WDR70: variants seen among roughly 807,000 people sequenced by gnomAD.
WDR70 encodes WD repeat-containing protein 70.
In WDR70, 53 loss-of-function variants were observed where a neutral mutation model predicts 88.6. The ratio of observed to expected loss-of-function variants is 0.60; its 90% CI spans 0.48 to 0.75. The LOEUF (loss-of-function observed/expected upper bound fraction) is 0.75. Ranked by LOEUF, WDR70 falls within the 30% of genes least tolerant of loss-of-function variation. The probability of loss-of-function intolerance (pLI) is 0.00; values close to 1 mark genes in which losing one functional copy is unlikely to be tolerated. For missense variants in WDR70, 610 were observed against 823.2 expected (o/e 0.74, Z 3.17); for synonymous variants, 280 against 270.0 (o/e 1.04, Z -0.36).
chr5:37,692,959 A>G (rs1203860918), intron 10 of WDR70, among the ~76,000 whole-genome samples: 3 of 152,226 alleles, frequency 2.0e-5, no homozygotes, highest in Non-Finnish European at 4.4e-5. Context: ...TTGTATATTT[A>G]GAAAACCCCA....
At chr5:37,531,221 G>C (rs1039084458) in intron 9 of WDR70, among the ~76,000 whole-genome samples, 3 of 152,106 alleles carry the variant, frequency 2.0e-5, no homozygotes, top group African/African-American at 7.2e-5. Context: ...CATATGGTCT[G>C]TCTTGGAGAA....
At chr5:37,511,531 G>A (rs1402849774) in intron 8 of WDR70, among the ~76,000 whole-genome samples, 1 of 151,630 alleles carries the variant, frequency 6.6e-6, no homozygotes, top group East Asian at 1.9e-4. Context: ...AAGAAGCCCT[G>A]GTTCCTTTTA....
intron 7 of WDR70, among the ~76,000 whole-genome samples, chr5:37,447,703 C>T (rs1275895525): frequency 3.9e-5 from 6 of 152,108 alleles, no homozygotes; most frequent in African/African-American, 7.2e-5. Context: ...AACCAAACAC[C>T]GCATGTTCTC....
At chr5:37,680,517 T>G (rs1746394437) in intron 10 of WDR70, among the ~76,000 whole-genome samples, 1 of 152,190 alleles carries the variant, frequency 6.6e-6, no homozygotes, top group South Asian at 2.1e-4. Context: ...TCTTCTAGGA[T>G]TTTTATAGTT....
chr5:37,637,341 AAAT>A (rs1744999595), intron 10 of WDR70, among the ~76,000 whole-genome samples: 1 of 53,828 alleles, frequency 1.9e-5, no homozygotes, highest in Non-Finnish European at 3.4e-5. Flanking sequence ...TAAATAAATT[AAAT>A]AAATAAATAA....
At chr5:37,605,365 T>C (rs762084415) in intron 10 of WDR70, 127 bp downstream of exon 10, 7 of 1,018,974 alleles carry the variant, frequency 6.9e-6, no homozygotes, top group Non-Finnish European at 9.5e-6. Flanking sequence ...TAATTTAAAC[T>C]TCAGTGTTAG....
chr5:37,414,407 A>C (rs1749628522), intron 5 of WDR70, among the ~76,000 whole-genome samples: 1 of 152,148 alleles, frequency 6.6e-6, no homozygotes, highest in Non-Finnish European at 1.5e-5. Flanking sequence ...CCAGAACTTC[A>C]CATGGCTCCC....
intron 4 of WDR70, 135 bp from the exon 5 acceptor site, chr5:37,396,240 A>G: frequency 8.1e-7 from 1 of 1,237,108 alleles, no homozygotes. Context: ...TAATGTTTGA[A>G]CTACAAATTT....
chr5:37,497,741 C>T (rs1269695780), intron 8 of WDR70, among the ~76,000 whole-genome samples: 3 of 151,886 alleles, frequency 2.0e-5, no homozygotes, highest in Admixed American at 6.6e-5. Context: ...ATTAATGGGA[C>T]CCTTAGAAAT....
chr5:37,540,167 C>G (rs1200384211), intron 9 of WDR70, among the ~76,000 whole-genome samples: 1 of 152,152 alleles, frequency 6.6e-6, no homozygotes, highest in Non-Finnish European at 1.5e-5. Context: ...TGATTATAAT[C>G]TACAGCCTCG....
At chr5:37,587,426 C>T (rs1386868066) in intron 9 of WDR70, among the ~76,000 whole-genome samples, 1 of 151,984 alleles carries the variant, frequency 6.6e-6, no homozygotes, top group Non-Finnish European at 1.5e-5. Flanking sequence ...CACTCCCCAC[C>T]CCGACACCCG....
At position 37,568,823 on chromosome 5, in the gene WDR70, C is replaced by A. The variant is rs184169847; in HGVS notation, c.918-36241C>A. 6.6e-5 allele frequency among the ~76,000 whole-genome samples: 10 copies of A among 152,272 alleles called. 1 individual carries two copies. In the East Asian group the frequency reaches 1.9e-3, roughly 29 times the overall value. ...TGTAGAGGTAGAGTCTGTTTCCTTA[C>A]TTCTTGAATCTGGACTGGCCTTATA... On this transcript the variant is annotated intron_variant, in intron 9 of 17. Transcript: ENST00000265107.
intron 8 of WDR70, among the ~76,000 whole-genome samples, chr5:37,484,407 C>G (rs565764284): frequency 2.0e-5 from 3 of 152,154 alleles, no homozygotes; most frequent in African/African-American, 7.2e-5. Context: ...ATATGAAAAC[C>G]AGTCAGGCGT....
chr5:37,649,030 A>G (rs1309606551), intron 10 of WDR70, among the ~76,000 whole-genome samples: 1 of 152,222 alleles, frequency 6.6e-6, no homozygotes, highest in East Asian at 1.9e-4. Context: ...AAGCCACATA[A>G]TGGCATCTTT....
At chr5:37,656,788 C>T (rs1745567340) in intron 10 of WDR70, among the ~76,000 whole-genome samples, 1 of 152,152 alleles carries the variant, frequency 6.6e-6, no homozygotes, top group Admixed American at 6.5e-5. Context: ...ATGGAGGATG[C>T]CTCTCCCGCA....
chr5:37,713,871 C>G (rs1344877352), intron 13 of WDR70, among the ~76,000 whole-genome samples: 1 of 152,226 alleles, frequency 6.6e-6, no homozygotes, highest in East Asian at 1.9e-4. Flanking sequence ...CAGCCTGAAT[C>G]TGATGAATGA....
intron 9 of WDR70, among the ~76,000 whole-genome samples, chr5:37,523,666 A>C (rs953877888): frequency 6.6e-6 from 1 of 152,232 alleles, no homozygotes; most frequent in Admixed American, 6.5e-5. Context: ...AAGGCTTCAG[A>C]CGATCAAACT....
intron 10 of WDR70, among the ~76,000 whole-genome samples, chr5:37,681,087 ATTTG>A (rs1342777970): frequency 6.6e-6 from 1 of 151,768 alleles, no homozygotes; most frequent in Non-Finnish European, 1.5e-5. Flanking sequence ...ATGTTTTTCC[ATTTG>A]TTTGTGTCAT....
chr5:37,461,105 CA>C (rs10547667), intron 7 of WDR70, among the ~76,000 whole-genome samples: 14,289 of 62,218 alleles, frequency 0.23, 830 homozygotes, highest in South Asian at 0.37. Context: ...TTTCTAACCT[CA>C]AAAAAAAAAA....
Sources: allele counts gnomAD v4.1 joint callset (sites outside exome capture counted in the v4.1 genomes callset), GRCh38; gene constraint gnomAD v4.1.1; transcripts MANE v1.5; gene names NCBI Gene and HGNC (gene_info 2026-07-23, HGNC 2026-07-21).